DISP2: variants seen among roughly 807,000 people sequenced by gnomAD.
DISP2 encodes the protein protein dispatched homolog 2.
DISP2 carries 59 observed loss-of-function variants against 95.5 expected under a neutral mutation model. The observed-to-expected ratio is 0.62, with a 90% confidence interval of 0.50 to 0.77. The LOEUF is 0.77. Ranked by LOEUF, DISP2 falls within the 30% of genes least tolerant of loss-of-function variation. The pLI, the probability that DISP2 is intolerant of heterozygous loss-of-function variation, is 0.00. For missense variants in DISP2, 1,752 were observed against 1,854.6 expected (o/e 0.94, Z 1.02); for synonymous variants, 827 against 815.0 (o/e 1.01, Z -0.25).
chr15:40,361,033 G>T lies in DISP2; in HGVS notation c.120-2592G>T, dbSNP rs548346847. 1.3e-4 allele frequency among the ~76,000 whole-genome samples: 20 copies of T among 152,314 alleles called. 1 individual carries two copies. The South Asian group carries it at 1.9e-3, about 14-fold the overall frequency. On this transcript the variant is annotated intron_variant, in intron 1 of 7. Coordinates refer to ENST00000267889, the MANE Select transcript of DISP2 (RefSeq NM_033510.3). ...AGGCCATTTATCCACCTTCTCACTGGCCCACAGGGATTGGCCTACAGAGTA... is the reference window on the plus strand; with the variant it reads ...AGGCCATTTATCCACCTTCTCACTGTCCCACAGGGATTGGCCTACAGAGTA...
Position 40,363,860 on chromosome 15 carries a change from T to C in DISP2, c.355T>C (p.Ser119Pro), listed in dbSNP as rs200355085. Residue 119 changes from serine to proline, a missense_variant, in exon 2 of 8, where the codon TCC (serine) becomes CCC (proline). Ser to Pro is a moderately conservative substitution (Grantham distance 74, BLOSUM62 -1). Transcript: ENST00000267889. ...ACTTGGGGATCGGGCAGCTCTCTGC[T>C]CCCACGGCTCCAGCCTCAGCCCTTC... Reference protein sequence around the residue: ...PGLGDRAALCSHGSSLSPSPA... With the variant: ...PGLGDRAALCPHGSSLSPSPA... 3.3e-5 allele frequency: 53 copies of C among 1,606,314 alleles called. No individual in the cohort carries two copies. In the Middle Eastern group the frequency reaches 5.0e-4, roughly 15 times the overall value.
Position 40,371,267 on chromosome 15 carries a change from G to A in DISP2, c.*949G>A, listed in dbSNP as rs1314155019. 14 of 152,318 alleles carry A rather than the reference G, an allele frequency of 9.2e-5. No homozygotes were observed. Among genetic ancestry groups the A allele is most frequent in the East Asian group, 1.9e-4 (1 of 5,180 alleles). 9.4% of individuals were successfully genotyped at this position (152,318 alleles called of 1,614,324 possible). ...CTTTGGCTACCTGCCTTCTTTCACC[G>A]CTAGCACCCTCCTCCAATCTGCTTT... On this transcript the variant is annotated 3_prime_UTR_variant, in exon 8 of 8. Coordinates refer to ENST00000267889, the MANE Select transcript of DISP2 (RefSeq NM_033510.3).
Position 40,370,645 on chromosome 15 carries a change from T to A in DISP2, c.*327T>A, listed in dbSNP as rs1271735837. On this transcript the variant is annotated 3_prime_UTR_variant, in exon 8 of 8. Transcript: ENST00000267889. ...TGTAGCTTCGGGTATCAGAGGAGGC[T>A]GACCTGGCCCCCATCCCAAGTTACA... 1 of 545,254 alleles carries A rather than the reference T, an allele frequency of 1.8e-6. No homozygotes were observed. Among genetic ancestry groups the A allele is most frequent in the Non-Finnish European group, 3.5e-6 (1 of 285,812 alleles). The allele number at this position is 545,254 out of a possible 1,614,324, so 33.8% of individuals were successfully genotyped here.
intron 3 of DISP2, 81 bp downstream of exon 3, chr15:40,364,336 A>C (rs1889458970): frequency 1.2e-6 from 2 of 1,613,422 alleles, no homozygotes; most frequent in Non-Finnish European, 1.7e-6. Context: ...TCTCTGCTCT[A>C]TCTAGCACCC....
Position 40,369,327 on chromosome 15 carries a change from C to G in DISP2, c.3215C>G (p.Ala1072Gly), listed in dbSNP as rs770438703. The G allele has an allele frequency of 6.2e-7, 1 of 1,613,298 alleles. No homozygotes were observed. Among genetic ancestry groups the G allele is most frequent in the Non-Finnish European group, 8.5e-7 (1 of 1,180,034 alleles). The change falls in exon 8 of 8, where the codon GCG (alanine) becomes GGG (glycine). Residue 1072 changes from alanine to glycine, a missense_variant. Physicochemically the swap from Ala to Gly is moderately conservative, Grantham distance 60 (BLOSUM62 0). Transcript: ENST00000267889. ...GCCGTGGGGGCTGCAGCCCTGTTTGCGGCAGGCGTGCTCATGCTGCCTGCC... is the reference window on the plus strand; with the variant it reads ...GCCGTGGGGGCTGCAGCCCTGTTTGGGGCAGGCGTGCTCATGCTGCCTGCC... The part of the protein sequence containing the change: ...ATAVGAAALF[A>G]AGVLMLPATV...
At position 40,369,190 on chromosome 15, in the gene DISP2, G is replaced by A; in HGVS notation, c.3078G>A (p.Val1026=). The A allele has an allele frequency of 6.2e-7, 1 of 1,613,900 alleles. No individual in the cohort carries two copies. Among genetic ancestry groups the A allele is most frequent in the Non-Finnish European group, 8.5e-7 (1 of 1,180,038 alleles). ...AGGCCCTGTTTCTCTCTGCCTCAGT[G>A]GGCCTCTCAGTAGACTTCACTGTCA... is the stretch of plus-strand genomic sequence containing the variant. The part of the protein sequence containing the change: ...TAEALFLSAS[V]GLSVDFTVNY... The change falls in exon 8 of 8, where the codon GTG becomes GTA. Residue 1026 remains valine, a synonymous_variant. Coordinates refer to ENST00000267889, the MANE Select transcript of DISP2 (RefSeq NM_033510.3).
In DISP2 at chr15:40,367,276, G is replaced by A; in HGVS notation, c.1164G>A (p.Gly388=). The part of the protein sequence containing the change: ...GALVPSCLGP[G]QNKSPRCAQV... ...TGGTGCCCTCTTGTCTGGGACCTGG[G>A]CAGAACAAGTCCCCACGCTGTGCCC... Residue 388 remains glycine (G), a synonymous_variant, in exon 8 of 8, where the codon GGG becomes GGA. Transcript: ENST00000267889. The A allele has an allele frequency of 6.2e-7, 1 of 1,613,844 alleles. No individual in the cohort carries two copies. Among genetic ancestry groups the A allele is most frequent in the Non-Finnish European group, 8.5e-7 (1 of 1,179,972 alleles).
rs978427633 is a variant in DISP2, at chr15:40,367,805, C to A, written c.1693C>A (p.Leu565Met). Residue 565 changes from leucine (L) to methionine (M), a missense_variant, in exon 8 of 8, where the codon CTG becomes ATG. By Grantham distance (15) the Leu-to-Met change is conservative. Around this residue, in one of 5 missense-constraint regions of DISP2, gnomAD observed 732 missense variants for 714.6 expected, o/e 1.02. Coordinates refer to ENST00000267889, the MANE Select transcript of DISP2 (RefSeq NM_033510.3). ...CANHTLIFFD[L>M]WRLSKSQLPS... is the part of the protein sequence containing the mutation. ...CAACCACACGCTCATCTTCTTCGAC[C>A]TGTGGCGCCTTAGCAAGAGCCAGCT... 6.2e-7 allele frequency: 1 copy of A among 1,605,916 alleles called. No individual in the cohort carries two copies. Among genetic ancestry groups the A allele is most frequent in the Non-Finnish European group, 8.5e-7 (1 of 1,179,972 alleles).
chr15:40,358,711 G>C (rs962707376), intron 1 of DISP2, among the ~76,000 whole-genome samples: 1 of 151,984 alleles, frequency 6.6e-6, no homozygotes, highest in African/African-American at 2.4e-5. Flanking sequence ...CCTCCTCTCA[G>C]GCCAGGACTC....
chr15:40,367,830 T>C lies in DISP2; in HGVS notation c.1718T>C (p.Leu573Pro). ...FDLWRLSKSQ[L>P]PSGGLAQRVG... The stretch of plus-strand genomic sequence containing the variant: ...CTGTGGCGCCTTAGCAAGAGCCAGC[T>C]GCCGTCGGGGGGGCTGGCGCAGCGC... Residue 573 changes from leucine (L) to proline (P), a missense_variant, in exon 8 of 8, where the codon CTG becomes CCG. Leu to Pro is a moderately conservative substitution (Grantham distance 98). Coordinates refer to ENST00000267889, the MANE Select transcript of DISP2 (RefSeq NM_033510.3). The C allele has an allele frequency of 6.2e-7, 1 of 1,602,338 alleles. No individual in the cohort carries two copies. The highest frequency in any genetic ancestry group is 8.5e-7 in the Non-Finnish European group (1 of 1,179,920).
In DISP2 at chr15:40,358,248, GCCGCCA is replaced by G; in HGVS notation, c.-68_-63del. 2.0e-5 allele frequency: 21 copies of G among 1,034,678 alleles called. No individual in the cohort carries two copies. The highest frequency in any genetic ancestry group is 9.8e-5 in the Admixed American group (2 of 20,378). 64.1% of individuals were successfully genotyped at this position (1,034,678 alleles called of 1,614,324 possible). A position where few individuals can be genotyped will look rare whatever the true frequency, so the allele number is the denominator to read the frequency against. On this transcript the variant is annotated 5_prime_UTR_variant, in exon 1 of 8. Transcript: ENST00000267889. Reference sequence around the variant, plus strand: ...GCACGAGCACCCCGCCGCCGCTGCCGCCGCCACCGCCGCCGCCGCCGCCGCCGCCGC... The same window carrying G: ...GCACGAGCACCCCGCCGCCGCTGCCGCCGCCGCCGCCGCCGCCGCCGCCGC...
In DISP2 at chr15:40,369,154, C is replaced by G. The variant is rs767233498; in HGVS notation, c.3042C>G (p.Leu1014=). ...VGLLVLLEWQ[L]NTAEALFLSA... ...TCCTGGTTCTCCTCGAGTGGCAGCT[C>G]AACACTGCCGAGGCCCTGTTTCTCT... The change falls in exon 8 of 8, where the codon CTC becomes CTG. Residue 1014 remains leucine, a synonymous_variant. Transcript: ENST00000267889. 1.2e-6 allele frequency: 2 copies of G among 1,613,874 alleles called. No homozygotes were observed. Among genetic ancestry groups the G allele is most frequent in the Admixed American group, 1.7e-5 (1 of 60,032 alleles).
rs2412512 is a variant in DISP2 at position 40,369,545 on chromosome 15, G to A, written c.3433G>A (p.Gly1145Ser). The A allele has an allele frequency of 0.011, 17,716 of 1,612,650 alleles. 2,589 individuals are homozygous for A. In the Admixed American group the frequency reaches 0.26, roughly 23 times the overall value. Residue 1145 changes from glycine (G) to serine (S), a missense_variant, in exon 8 of 8, where the codon GGC becomes AGC. By Grantham distance (56) the Gly-to-Ser change is moderately conservative (BLOSUM62 0). This residue lies in a region of DISP2 where 347 missense variants were observed against 344.2 expected (regional missense o/e 1.01). Transcript: ENST00000267889. ...TGGGGACCCTGGTGGGGAGAAGGCA[G>A]GCCGCCCACGACCAGGGTCAGTGGG... ...GTGDPGGEKA[G>S]RPRPGSVGGM...
chr15:40,368,074 C>T lies in DISP2; in HGVS notation c.1962C>T (p.Arg654=). Residue 654 remains arginine (R), a synonymous_variant, in exon 8 of 8, where the codon CGC becomes CGT. Transcript: ENST00000267889. The part of the protein sequence containing the change: ...HERYLARGCA[R]RARGRWEGSA... The stretch of plus-strand genomic sequence containing the variant: ...GCTACCTGGCGCGCGGCTGTGCGCG[C>T]CGGGCGCGGGGCCGGTGGGAGGGCA... 1 of 1,435,490 alleles carries T rather than the reference C, an allele frequency of 7.0e-7. No homozygotes were observed. The highest frequency in any genetic ancestry group is 9.1e-7 in the Non-Finnish European group (1 of 1,102,800). 88.9% of individuals were successfully genotyped at this position (1,435,490 alleles called of 1,614,324 possible).
Position 40,372,866 on chromosome 15 carries a change from G to C in DISP2, c.*2548G>C, listed in dbSNP as rs1889668110. Reference sequence around the variant, plus strand: ...CATGAGGGATCTGAGCACACCCGAGGGCCCTACCTGGGGATTTCCAGGTCA... The same window carrying C: ...CATGAGGGATCTGAGCACACCCGAGCGCCCTACCTGGGGATTTCCAGGTCA... On this transcript the variant is annotated 3_prime_UTR_variant, in exon 8 of 8. Coordinates refer to ENST00000267889, the MANE Select transcript of DISP2 (RefSeq NM_033510.3). The C allele has an allele frequency of 1.3e-5, 2 of 152,224 alleles. No individual in the cohort carries two copies. Among genetic ancestry groups the C allele is most frequent in the Non-Finnish European group, 2.9e-5 (2 of 68,048 alleles). The allele number at this position is 152,224 out of a possible 1,614,324, so 9.4% of individuals were successfully genotyped here.
chr15:40,363,960 G>A lies in DISP2; in HGVS notation c.449+6G>A. Reference sequence around the variant, plus strand: ...CACCATGTGGTCAGCGTCAGGTAAGGAGGGGTCCAGCAGCCTGCCAGCTGC... The same window carrying A: ...CACCATGTGGTCAGCGTCAGGTAAGAAGGGGTCCAGCAGCCTGCCAGCTGC... On this transcript the variant is annotated splice_donor_region_variant and intron_variant, in intron 2 of 7. Transcript: ENST00000267889. 6.6e-7 allele frequency: 1 copy of A among 1,522,176 alleles called. No individual in the cohort carries two copies. Among genetic ancestry groups the A allele is most frequent in the South Asian group, 1.3e-5 (1 of 77,418 alleles). The allele number at this position is 1,522,176 out of a possible 1,614,324, so 94.3% of individuals were successfully genotyped here. A position where few individuals can be genotyped will look rare whatever the true frequency, so the allele number is the denominator to read the frequency against.
At position 40,371,994 on chromosome 15, in the gene DISP2, T is replaced by A. The variant is rs531465723; in HGVS notation, c.*1676T>A. 5.1e-4 allele frequency: 78 copies of A among 152,326 alleles called. No homozygotes were observed. Among genetic ancestry groups the A allele is most frequent in the African/African-American group, 1.7e-3 (69 of 41,572 alleles). The allele number at this position is 152,326 out of a possible 1,614,324, so 9.4% of individuals were successfully genotyped here. A position where few individuals can be genotyped will look rare whatever the true frequency, so the allele number is the denominator to read the frequency against. On this transcript the variant is annotated 3_prime_UTR_variant, in exon 8 of 8. Coordinates refer to ENST00000267889, the MANE Select transcript of DISP2 (RefSeq NM_033510.3). ...GGAGGAGGAAAAACTTGAGCTGGGC[T>A]TCAGAAGACCAAGCGTCTCAGACTG...
Position 40,371,161 on chromosome 15 carries a change from A to C in DISP2, c.*843A>C, listed in dbSNP as rs966072273. 2.0e-5 allele frequency: 3 copies of C among 153,386 alleles called. No homozygotes were observed. Among genetic ancestry groups the C allele is most frequent in the Non-Finnish European group, 4.4e-5 (3 of 68,766 alleles). 9.5% of individuals were successfully genotyped at this position (153,386 alleles called of 1,614,324 possible). A position where few individuals can be genotyped will look rare whatever the true frequency, so the allele number is the denominator to read the frequency against. On this transcript the variant is annotated 3_prime_UTR_variant, in exon 8 of 8. Transcript: ENST00000267889. ...TTTATAGGTAAAGACATTGAGACTA[A>C]GTAAGATGAACTGACCTCAGGGTCA...
rs769895587 is a variant in DISP2 at position 40,367,312 on chromosome 15, C to G, written c.1200C>G (p.Thr400=). ...NKSPRCAQVP[T]KCSQSSAIYQ... is the part of the protein sequence containing the mutation. ...CCCCACGCTGTGCCCAGGTTCCCAC[C>G]AAGTGCTCCCAGAGTAGTGCCATCT... The change falls in exon 8 of 8, where the codon ACC becomes ACG. Residue 400 remains threonine, a synonymous_variant. Transcript: ENST00000267889. The G allele has an allele frequency of 2.5e-6, 4 of 1,613,604 alleles. No homozygotes were observed. Among genetic ancestry groups the G allele is most frequent in the Non-Finnish European group, 3.4e-6 (4 of 1,179,976 alleles).
Sources: allele counts gnomAD v4.1 joint callset (sites outside exome capture counted in the v4.1 genomes callset), GRCh38; gene constraint gnomAD v4.1.1; regional missense constraint gnomAD v4.1.1; transcripts MANE v1.5; gene names NCBI Gene and HGNC (gene_info 2026-07-23, HGNC 2026-07-21).